The following TRAPPC9 variants were observed in gnomAD, a reference collection of about 807,000 sequenced individuals.
TRAPPC9 encodes trafficking protein particle complex subunit 9.
Under a neutral mutation model 124.0 loss-of-function variants are expected in TRAPPC9, and 83 were observed. The ratio of observed to expected loss-of-function variants is 0.67; its 90% CI spans 0.56 to 0.80. The LOEUF is 0.80. TRAPPC9 is among the 30% of genes least tolerant of loss of function. The probability of loss-of-function intolerance (pLI) is 0.00; values close to 1 mark genes in which losing one functional copy is unlikely to be tolerated. For missense variants in TRAPPC9, 1,302 were observed against 1,508.3 expected (o/e 0.86, Z 2.27); for synonymous variants, 638 against 617.5 (o/e 1.03, Z -0.49).
chr8:139,799,680 A>G (rs1292937017), intron 21 of TRAPPC9, among the ~76,000 whole-genome samples: 3 of 152,206 alleles, frequency 2.0e-5, no homozygotes, highest in Non-Finnish European at 4.4e-5. Context: ...GTCCGTGGGC[A>G]AGGAGCACGG....
At chr8:140,148,950 T>C (rs565751064) in intron 17 of TRAPPC9, among the ~76,000 whole-genome samples, 9 of 152,336 alleles carry the variant, frequency 5.9e-5, no homozygotes, top group Admixed American at 1.3e-4. Context: ...CCATGTTCTA[T>C]TGATGATGCT....
intron 18 of TRAPPC9, among the ~76,000 whole-genome samples, chr8:140,020,315 C>T (rs1839757818): frequency 6.6e-6 from 1 of 152,176 alleles, no homozygotes; most frequent in Admixed American, 6.5e-5. Context: ...AGCAATATCA[C>T]TGATTTTAAG....
At chr8:140,424,154 G>T (rs1169000968) in intron 5 of TRAPPC9, among the ~76,000 whole-genome samples, 1 of 150,356 alleles carries the variant, frequency 6.7e-6, no homozygotes, top group African/African-American at 2.5e-5. Flanking sequence ...TTGTTTGTTT[G>T]TTTTTTTAAA....
chr8:139,937,537 G>A lies in TRAPPC9; in HGVS notation c.2811-27237C>T, dbSNP rs533658284. Among the ~76,000 whole-genome samples, 15 of 152,254 alleles carry A rather than the reference G, an allele frequency of 9.9e-5. No individual in the cohort carries two copies. In the East Asian group the frequency reaches 2.3e-3, roughly 24 times the overall value. ...AGGAGCAGGCGGAGGCTGGAGGGCC[G>A]AGGTGGCAGGGCCGGTGCTGGGGCC... On this transcript the variant is annotated intron_variant, in intron 19 of 22. Coordinates refer to ENST00000438773, the MANE Select transcript of TRAPPC9 (RefSeq NM_001160372.4).
At chr8:140,067,541 T>C (rs980593163) in intron 17 of TRAPPC9, among the ~76,000 whole-genome samples, 1 of 152,196 alleles carries the variant, frequency 6.6e-6, no homozygotes, top group South Asian at 2.1e-4. Flanking sequence ...CATGTCCACT[T>C]ACGTGAGGAC....
intron 18 of TRAPPC9, among the ~76,000 whole-genome samples, chr8:139,990,917 C>A (rs1004861088): frequency 2.6e-5 from 4 of 152,076 alleles, no homozygotes; most frequent in Non-Finnish European, 1.5e-5. Context: ...TGTAGCACAG[C>A]GTCAACAGGG....
chr8:140,154,151 A>G (rs1205508745), intron 17 of TRAPPC9, among the ~76,000 whole-genome samples: 6 of 152,094 alleles, frequency 3.9e-5, no homozygotes, highest in African/African-American at 1.4e-4. Context: ...ATAAAAAGAG[A>G]ACACCTTTCC....
intron 17 of TRAPPC9, among the ~76,000 whole-genome samples, chr8:140,084,280 T>C (rs1391502788): frequency 1.3e-5 from 2 of 152,168 alleles, no homozygotes; most frequent in East Asian, 3.8e-4. Context: ...AAAATAAATC[T>C]CTATAAATCT....
At chr8:139,877,122 C>G (rs1204361952) in intron 21 of TRAPPC9, among the ~76,000 whole-genome samples, 1 of 152,216 alleles carries the variant, frequency 6.6e-6, no homozygotes, top group Non-Finnish European at 1.5e-5. Flanking sequence ...TGGATAAAAC[C>G]TAATCTGTAT....
intron 7 of TRAPPC9, among the ~76,000 whole-genome samples, chr8:140,388,117 G>A (rs10875452): frequency 6.6e-6 from 1 of 150,390 alleles, no homozygotes; most frequent in Non-Finnish European, 1.5e-5. Flanking sequence ...GCAAACTATC[G>A]CAAGGACAAA....
At chr8:140,396,745 G>A (rs1187479694) in intron 7 of TRAPPC9, among the ~76,000 whole-genome samples, 1 of 151,234 alleles carries the variant, frequency 6.6e-6, no homozygotes, top group Non-Finnish European at 1.5e-5. Flanking sequence ...TCAAGGCCCA[G>A]TTCCAATCTC....
At position 140,194,649 on chromosome 8, in the gene TRAPPC9, G is replaced by GT. The variant is rs1378384456; in HGVS notation, c.2556+26809dup. Among the ~76,000 whole-genome samples, 13 of 152,252 alleles carry GT rather than the reference G, an allele frequency of 8.5e-5. No individual in the cohort carries two copies. In the East Asian group the frequency reaches 2.3e-3, roughly 27 times the overall value. On this transcript the variant is annotated intron_variant, in intron 17 of 22. Coordinates refer to ENST00000438773, the MANE Select transcript of TRAPPC9 (RefSeq NM_001160372.4). The stretch of plus-strand genomic sequence containing the variant: ...ACCTAGGGCACTCGCTGACTGGAAG[G>GT]TCCCAAAGGAACCTCAATACCTACT...
In TRAPPC9 at chr8:140,207,898, T is replaced by C. The variant is rs145816283; in HGVS notation, c.2556+13561A>G. Among the ~76,000 whole-genome samples, 59 of 152,338 alleles carry C rather than the reference T, an allele frequency of 3.9e-4. 2 individuals are homozygous for C. In the East Asian group the frequency reaches 0.011, roughly 28 times the overall value. ...CTGGGCACAGTGGCTCATGCCTTAA[T>C]CCCAGCACTTTGGGAGGCCAAGGCG... On this transcript the variant is annotated intron_variant, in intron 17 of 22. Coordinates refer to ENST00000438773, the MANE Select transcript of TRAPPC9 (RefSeq NM_001160372.4).
At chr8:140,444,867 GA>G (rs71320363) in intron 2 of TRAPPC9, among the ~76,000 whole-genome samples, 114 of 113,956 alleles carry the variant, frequency 1.0e-3, no homozygotes, top group Admixed American at 1.3e-3. Flanking sequence ...CCAATCTCAG[GA>G]AAAAAAAAAA....
intron 17 of TRAPPC9, among the ~76,000 whole-genome samples, chr8:140,037,139 T>C (rs1037348802): frequency 1.8e-4 from 28 of 152,104 alleles, no homozygotes; most frequent in Admixed American, 1.4e-3. Flanking sequence ...AAGAATAAAA[T>C]AGTTAATAGC....
chr8:140,287,683 G>A lies in TRAPPC9; in HGVS notation c.1906C>T (p.Leu636Phe), dbSNP rs1262409483. 3 of 1,614,102 alleles carry A rather than the reference G, an allele frequency of 1.9e-6. No individual in the cohort carries two copies. Among genetic ancestry groups the A allele is most frequent in the Non-Finnish European group, 2.5e-6 (3 of 1,180,050 alleles). The change falls in exon 13 of 23, where the codon CTT (leucine) becomes TTT (phenylalanine). Residue 636 changes from leucine (L) to phenylalanine (F), a missense_variant. Leu to Phe is a conservative substitution (Grantham distance 22). Coordinates refer to ENST00000438773, the MANE Select transcript of TRAPPC9 (RefSeq NM_001160372.4). ...GGGTACAGACCAGATTCAGCCGGAA[G>A]AGAAAGCGCCGCAGGGAGAGACTCG... Reference protein sequence around the residue: ...EFESLPAALSLPAESGLYPVT... With the variant: ...EFESLPAALSFPAESGLYPVT...
intron 21 of TRAPPC9, among the ~76,000 whole-genome samples, chr8:139,820,555 C>T (rs1825184912): frequency 6.6e-6 from 1 of 152,164 alleles, no homozygotes; most frequent in Admixed American, 6.5e-5. Context: ...AAATAGAATG[C>T]TAACTTTAAA....
chr8:140,011,167 C>T (rs1839089569), intron 18 of TRAPPC9, among the ~76,000 whole-genome samples: 1 of 151,898 alleles, frequency 6.6e-6, no homozygotes, highest in Non-Finnish European at 1.5e-5. Flanking sequence ...AGGTGAAACC[C>T]CATCTCTACT....
chr8:140,378,798 T>C (rs887987461), intron 7 of TRAPPC9, among the ~76,000 whole-genome samples: 4 of 152,206 alleles, frequency 2.6e-5, no homozygotes, highest in South Asian at 2.1e-4. Context: ...ATCCCTCCTA[T>C]GTGAGCACTG....
Sources: gnomAD v4.1 joint callset for allele counts (sites outside exome capture counted in the v4.1 genomes callset) on GRCh38, gnomAD v4.1.1 for gene constraint, MANE v1.5 for transcripts, NCBI Gene and HGNC (gene_info 2026-07-23, HGNC 2026-07-21) for gene names.